The following EHBP1 variants were observed in gnomAD, a reference collection of about 807,000 sequenced individuals.
EHBP1 encodes the protein EH domain binding protein 1.
Under a neutral mutation model 144.0 loss-of-function variants are expected in EHBP1, and 55 were observed. The ratio of observed to expected loss-of-function variants is 0.38; its 90% confidence interval spans 0.31 to 0.48. The LOEUF (loss-of-function observed/expected upper bound fraction) is 0.48. EHBP1 is among the 20% of genes least tolerant of loss of function. The pLI is 0.98. For synonymous variants in EHBP1, 469 were observed against 472.7 expected, an observed-to-expected ratio of 0.99 and a Z score of 0.10; for missense variants, 1,200 against 1,364.2, an observed-to-expected ratio of 0.88 and a Z score of 1.90.
chr2:62,685,986 C>A (rs1033890678), intron 1 of EHBP1, among the ~76,000 whole-genome samples: 2 of 152,092 alleles, frequency 1.3e-5, no homozygotes, highest in African/African-American at 2.4e-5. Context: ...GAGAGAAAAC[C>A]ATTTGTCACT....
intron 10 of EHBP1, among the ~76,000 whole-genome samples, chr2:62,905,261 G>C (rs548857056): frequency 1.8e-4 from 28 of 152,308 alleles, no homozygotes; most frequent in Non-Finnish European, 3.8e-4. Flanking sequence ...GGGTTAGCCA[G>C]TAGGACAAGG....
intron 3 of EHBP1, among the ~76,000 whole-genome samples, chr2:62,753,721 T>G (rs1178842413): frequency 6.6e-6 from 1 of 152,194 alleles, no homozygotes; most frequent in African/African-American, 2.4e-5. Flanking sequence ...TTCTCTAAAC[T>G]TCTCACTTCA....
Position 63,045,003 on chromosome 2 carries a change from A to AG in EHBP1, c.3278-60dup. The AG allele has an allele frequency of 9.1e-7, 1 of 1,100,616 alleles. No homozygotes were observed. The allele number at this position is 1,100,616 out of a possible 1,614,324, so 68.2% of individuals were successfully genotyped here. A position where few individuals can be genotyped will look rare whatever the true frequency, so the allele number is the denominator to read the frequency against. On this transcript the variant is annotated intron_variant, in intron 21 of 22. Transcript: ENST00000431489. The surrounding 1 kb of genome is among the most constrained non-coding windows in gnomAD (Gnocchi z 5.7). ...GGAAACTGGAAAAGGCGGGAAGGGG[A>AG]GGGCGGGGGGCCGGGTGTTCGGAGG... is the stretch of plus-strand genomic sequence containing the variant.
At chr2:62,977,672 A>G (rs2153191794) in intron 14 of EHBP1, among the ~76,000 whole-genome samples, 1 of 152,304 alleles carries the variant, frequency 6.6e-6, no homozygotes, top group East Asian at 1.9e-4. Context: ...AGCACCTAGC[A>G]CAAATTATGT....
intron 14 of EHBP1, among the ~76,000 whole-genome samples, chr2:62,969,478 T>C (rs1356325830): frequency 6.6e-6 from 1 of 152,204 alleles, no homozygotes; most frequent in South Asian, 2.1e-4. Flanking sequence ...TTCATTTTCA[T>C]GAATTAAATA....
intron 2 of EHBP1, among the ~76,000 whole-genome samples, chr2:62,731,849 A>G (rs555762738): frequency 3.3e-5 from 5 of 152,274 alleles, no homozygotes; most frequent in Non-Finnish European, 5.9e-5. Flanking sequence ...CTGACTATAT[A>G]ATTTTCCTTC....
chr2:62,865,386 A>G (rs2049958418), intron 9 of EHBP1, among the ~76,000 whole-genome samples: 1 of 152,232 alleles, frequency 6.6e-6, no homozygotes, highest in African/African-American at 2.4e-5. Flanking sequence ...ACTTGTTTAG[A>G]TACCAAACAG....
At chr2:62,853,912 T>G (rs982529281) in intron 7 of EHBP1, among the ~76,000 whole-genome samples, 1 of 152,154 alleles carries the variant, frequency 6.6e-6, no homozygotes, top group Non-Finnish European at 1.5e-5. Flanking sequence ...GCACAGCAGG[T>G]CTCAACAATG....
At chr2:62,992,633 A>G (rs549521889) in intron 16 of EHBP1, among the ~76,000 whole-genome samples, 2 of 152,180 alleles carry the variant, frequency 1.3e-5, no homozygotes, top group Non-Finnish European at 2.9e-5. Flanking sequence ...ACATTTATAA[A>G]TGAGGCATTC....
In EHBP1 at chr2:62,990,157, GCTAT is replaced by G. The variant is rs1289217109; in HGVS notation, c.2609-555_2609-552del. 8.6e-5 allele frequency among the ~76,000 whole-genome samples: 13 copies of G among 151,938 alleles called. No homozygotes were observed. In the South Asian group the frequency reaches 1.0e-3, roughly 12 times the overall value. ...ATGTAATAATCTGTATTGTATTTCT[GCTAT>G]CTAAGTAGAGGGTATTTGTAAACAT... On this transcript the variant is annotated intron_variant, in intron 15 of 22. Coordinates refer to ENST00000431489, the MANE Select transcript of EHBP1 (RefSeq NM_001142616.3).
chr2:62,802,172 A>G (rs1028015064), intron 5 of EHBP1, among the ~76,000 whole-genome samples: 4 of 152,244 alleles, frequency 2.6e-5, no homozygotes, highest in African/African-American at 9.6e-5. Flanking sequence ...ACTTTTTAGA[A>G]TATTTGATAC....
intron 10 of EHBP1, among the ~76,000 whole-genome samples, chr2:62,877,750 T>C (rs1278316792): frequency 6.6e-6 from 1 of 152,020 alleles, no homozygotes; most frequent in Admixed American, 6.6e-5. Context: ...GGTAAACAAA[T>C]AAGGCAGAAA....
chr2:62,841,966 A>G (rs2047919102), intron 7 of EHBP1, among the ~76,000 whole-genome samples: 1 of 152,108 alleles, frequency 6.6e-6, no homozygotes, highest in African/African-American at 2.4e-5. Flanking sequence ...TCCAATATGA[A>G]GGAGCCTGCA....
At chr2:62,970,142 T>G (rs533913091) in intron 14 of EHBP1, among the ~76,000 whole-genome samples, 35 of 151,718 alleles carry the variant, frequency 2.3e-4, no homozygotes, top group African/African-American at 7.5e-4. Context: ...AGAGTCTTGC[T>G]CCCTGTCTAA....
chr2:62,779,466 G>A (rs1366927161), intron 5 of EHBP1, among the ~76,000 whole-genome samples: 1 of 152,164 alleles, frequency 6.6e-6, no homozygotes, highest in Non-Finnish European at 1.5e-5. Context: ...AAGGAAGAAA[G>A]TGAATTCTCT....
At chr2:62,840,950 G>A (rs2047787113) in intron 7 of EHBP1, among the ~76,000 whole-genome samples, 1 of 152,124 alleles carries the variant, frequency 6.6e-6, no homozygotes. Context: ...CAGGGATCTA[G>A]AACTAGAATT....
rs570113557 is a variant in EHBP1 at position 62,847,213 on chromosome 2, A to G, written c.635-11956A>G. Among the ~76,000 whole-genome samples, 7 of 152,342 alleles carry G rather than the reference A, an allele frequency of 4.6e-5. No homozygotes were observed. The South Asian group carries it at 8.3e-4, about 18-fold the overall frequency. ...AGTTGTCAGCATAATCCAGTGGGGG[A>G]AAAGGTCTTTTCAATAAATGATGCT... On this transcript the variant is annotated intron_variant, in intron 7 of 22. Transcript: ENST00000431489.
At chr2:62,999,269 C>T (rs1335551236) in intron 19 of EHBP1, among the ~76,000 whole-genome samples, 1 of 152,108 alleles carries the variant, frequency 6.6e-6, no homozygotes, top group Non-Finnish European at 1.5e-5. Context: ...TATACTTTAT[C>T]TGCTATTTCA....
At chr2:62,832,261 T>C (rs982757531) in intron 7 of EHBP1, among the ~76,000 whole-genome samples, 4 of 152,114 alleles carry the variant, frequency 2.6e-5, no homozygotes, top group African/African-American at 4.8e-5. Flanking sequence ...TTTAAAAATA[T>C]TATTGAGGTT....
Sources: gnomAD v4.1 joint callset for allele counts (sites outside exome capture counted in the v4.1 genomes callset) on GRCh38, gnomAD v4.1.1 for gene constraint, Gnocchi (gnomAD v3.1) non-coding constraint, MANE v1.5 for transcripts, NCBI Gene and HGNC (gene_info 2026-07-23, HGNC 2026-07-21) for gene names.